JAKMIP3: variants seen among roughly 807,000 people sequenced by gnomAD.
JAKMIP3 encodes the protein janus kinase and microtubule-interacting protein 3.
In JAKMIP3, 58 loss-of-function variants were observed where a neutral mutation model predicts 118.5. The ratio of observed to expected loss-of-function variants is 0.49; its 90% CI spans 0.40 to 0.61. The LOEUF is 0.61. Ranked by LOEUF, JAKMIP3 falls within the 20% of genes least tolerant of loss-of-function variation. The pLI, the probability that JAKMIP3 is intolerant of heterozygous loss-of-function variation, is 0.00. For missense variants in JAKMIP3, 950 were observed against 1,109.0 expected, an observed-to-expected ratio of 0.86 and a Z score of 2.04; for synonymous variants, 486 against 451.2, an observed-to-expected ratio of 1.08 and a Z score of -0.98.
At position 132,072,494 on chromosome 10, in the gene JAKMIP3, C is replaced by T. The variant is rs142493542; in HGVS notation, c.-138+6433C>T. Among the ~76,000 whole-genome samples, 102 of 152,184 alleles carry T rather than the reference C, an allele frequency of 6.7e-4. 1 individual carries two copies. Among genetic ancestry groups the T allele is most frequent in the African/African-American group, 2.4e-3 (100 of 41,534 alleles). ...AGGCTGCAGTGAGCCATGATCGTACCATAGCACTCCAACCTGGGGGACAGA... is the reference window on the plus strand; with the variant it reads ...AGGCTGCAGTGAGCCATGATCGTACTATAGCACTCCAACCTGGGGGACAGA... On this transcript the variant is annotated intron_variant, in intron 1 of 23. Transcript: ENST00000684848.
chr10:132,138,767 C>T (rs887387301), intron 9 of JAKMIP3, among the ~76,000 whole-genome samples: 7 of 152,142 alleles, frequency 4.6e-5, no homozygotes, highest in Admixed American at 2.0e-4. Context: ...GTGGGATGCA[C>T]GGCTCTGAGG....
rs1258414174 is a variant in JAKMIP3 at position 132,049,275 on chromosome 10, T to A, written c.-138+12537T>A. ...GGAGCACAGCTATAGCTATGAGCAC[T>A]GACCCACGGCTTTGCTTCCCTTCCT... On this transcript the variant is annotated intron_variant, in intron 1 of 23. Transcript: ENST00000657785. This position sits in a 1 kb window ranked among gnomAD's most constrained non-coding sequence, Gnocchi z 4.3. 6.6e-6 allele frequency among the ~76,000 whole-genome samples: 1 copy of A among 152,210 alleles called. No individual in the cohort carries two copies. Among genetic ancestry groups the A allele is most frequent in the Non-Finnish European group, 1.5e-5 (1 of 68,040 alleles).
rs1308922036 is a variant in JAKMIP3, at chr10:132,150,003, A to C, written c.1969A>C (p.Met657Leu). 1 of 1,571,658 alleles carries C rather than the reference A, an allele frequency of 6.4e-7. No individual in the cohort carries two copies. Among genetic ancestry groups the C allele is most frequent in the Admixed American group, 1.8e-5 (1 of 55,580 alleles). ...GVTDIVVAEL[M>L]KKLDILGDNA... is the part of the protein sequence containing the mutation. ...TTAGGACATTGTGGTTGCGGAGCTG[A>C]TGAAGAAGCTGGACATCCTGGGCGA... The change falls in exon 16 of 24, where the codon ATG (methionine) becomes CTG (leucine). Residue 657 changes from methionine to leucine, a missense_variant. Physicochemically the swap from Met to Leu is conservative, Grantham distance 15. Coordinates refer to ENST00000684848, the MANE Select transcript of JAKMIP3 (RefSeq NM_001323087.2).
intron 1 of JAKMIP3, among the ~76,000 whole-genome samples, chr10:132,050,231 T>C (rs546704095): frequency 6.6e-6 from 1 of 152,332 alleles, no homozygotes; most frequent in East Asian, 1.9e-4. Context: ...TCACAGCCCA[T>C]TTCCTGGCCC....
In JAKMIP3 at chr10:132,184,832, G is replaced by T. The variant is rs2061722232; in HGVS notation, c.*3579G>T. ...TTAGACGATTAAAGTCCCCTCAAAG[G>T]TATTAAAGTTTGAACTGAAAGCCGT... On this transcript the variant is annotated 3_prime_UTR_variant, in exon 24 of 24. Transcript: ENST00000684848. 6.6e-6 allele frequency: 1 copy of T among 152,188 alleles called. No homozygotes were observed. Among genetic ancestry groups the T allele is most frequent in the Non-Finnish European group, 1.5e-5 (1 of 68,042 alleles). The allele number at this position is 152,188 out of a possible 1,614,324, so 9.4% of individuals were successfully genotyped here. A position where few individuals can be genotyped will look rare whatever the true frequency, so the allele number is the denominator to read the frequency against.
At chr10:132,039,447 G>A (rs774224238) in intron 1 of JAKMIP3, among the ~76,000 whole-genome samples, 7 of 142,616 alleles carry the variant, frequency 4.9e-5, no homozygotes, top group Admixed American at 7.6e-5. Context: ...GCCACCCACC[G>A]TTTCCCAGTA....
chr10:132,153,940 C>G lies in JAKMIP3; in HGVS notation c.2170C>G (p.Leu724Val). Reference sequence around the variant, plus strand: ...GCTGTTCAGTAAGCAGAAGGGCTACCTGGACGAGGAGCTGGACTACCGGAA... The same window carrying G: ...GCTGTTCAGTAAGCAGAAGGGCTACGTGGACGAGGAGCTGGACTACCGGAA... The part of the protein sequence containing the change: ...KELFSKQKGY[L>V]DEELDYRKQA... Residue 724 changes from leucine (L) to valine (V), a missense_variant, in exon 19 of 24, where the codon CTG (leucine) becomes GTG (valine). Transcript: ENST00000684848. The G allele has an allele frequency of 6.2e-7, 1 of 1,613,116 alleles. No individual in the cohort carries two copies. The highest frequency in any genetic ancestry group is 8.5e-7 in the Non-Finnish European group (1 of 1,179,870).
chr10:132,084,564 C>T (rs1206606617), intron 1 of JAKMIP3, among the ~76,000 whole-genome samples: 1 of 152,092 alleles, frequency 6.6e-6, no homozygotes, highest in Non-Finnish European at 1.5e-5. Flanking sequence ...GCTGGGACTT[C>T]CAGTACTATG....
At chr10:132,048,862 G>T (rs2038014722) in intron 1 of JAKMIP3, among the ~76,000 whole-genome samples, 1 of 151,890 alleles carries the variant, frequency 6.6e-6, no homozygotes, top group Non-Finnish European at 1.5e-5. Context: ...GGATAGTCTC[G>T]ATCTCCTGAC....
intron 23 of JAKMIP3, among the ~76,000 whole-genome samples, chr10:132,180,788 T>TGTGTGTGTGCATGCGTGTGTGTGTGC (rs1491365450): frequency 0.026 from 274 of 10,722 alleles, 110 homozygotes; most frequent in Non-Finnish European, 0.037. Context: ...TGTGTGCGCG[T>TGTGTGTGTGCATGCGTGTGTGTGTGC]ATGCATGTGC....
chr10:132,119,638 TCTC>T (rs1224845607), intron 3 of JAKMIP3, among the ~76,000 whole-genome samples: 1 of 152,230 alleles, frequency 6.6e-6, no homozygotes, highest in Non-Finnish European at 1.5e-5. Context: ...AGTAGCACGT[TCTC>T]CTGCTTTGTT....
At chr10:132,090,435 T>C (rs969963306) in intron 1 of JAKMIP3, among the ~76,000 whole-genome samples, 7 of 152,204 alleles carry the variant, frequency 4.6e-5, no homozygotes, top group African/African-American at 1.4e-4. Context: ...TGGTTTAGTC[T>C]TGGGAGGGTG....
At chr10:132,141,811 C>T (rs2053570344) in intron 10 of JAKMIP3, 109 bp from the exon 11 acceptor site, 2 of 1,268,118 alleles carry the variant, frequency 1.6e-6, no homozygotes. Flanking sequence ...CCCCCCCATA[C>T]ACCATTTGAT....
At chr10:132,148,831 C>T (rs1446935311) in intron 14 of JAKMIP3, among the ~76,000 whole-genome samples, 2 of 152,206 alleles carry the variant, frequency 1.3e-5, no homozygotes, top group Non-Finnish European at 2.9e-5. Context: ...ACAGGGGCCG[C>T]CCCTGCCGAG....
In JAKMIP3 at chr10:132,143,261, C is replaced by G. The variant is rs181117850; in HGVS notation, c.1602+1213C>G. 2.6e-3 allele frequency among the ~76,000 whole-genome samples: 395 copies of G among 152,242 alleles called. 1 individual carries two copies. The highest frequency in any genetic ancestry group is 8.9e-3 in the African/African-American group (368 of 41,530). On this transcript the variant is annotated intron_variant, in intron 11 of 23. Transcript: ENST00000684848. Reference sequence around the variant, plus strand: ...CACTTTGACTTAATTTTTGCATGACCCTTGGAGAAAGGAAAAAGTCAAGGC... The same window carrying G: ...CACTTTGACTTAATTTTTGCATGACGCTTGGAGAAAGGAAAAAGTCAAGGC...
intron 1 of JAKMIP3, among the ~76,000 whole-genome samples, chr10:132,097,916 TCCCC>T (rs2044166183): frequency 9.2e-5 from 2 of 21,650 alleles, no homozygotes; most frequent in African/African-American, 2.2e-4. Flanking sequence ...CCCTTCCCCT[TCCCC>T]TTTCCTTCCC....
Position 132,044,881 on chromosome 10 carries a change from C to CGT in JAKMIP3, c.-138+8151_-138+8152dup, listed in dbSNP as rs762695158. 3.3e-5 allele frequency among the ~76,000 whole-genome samples: 5 copies of CGT among 150,896 alleles called. No individual in the cohort carries two copies. Among genetic ancestry groups the CGT allele is most frequent in the South Asian group, 2.1e-4 (1 of 4,786 alleles). On this transcript the variant is annotated intron_variant, in intron 1 of 23. Coordinates refer to the JAKMIP3 transcript ENST00000657785. The surrounding 1 kb of genome is among the most constrained non-coding windows in gnomAD (Gnocchi z 5.3). Reference sequence around the variant, plus strand: ...GCTGAGTAGAATCATGGTATTTGTGCGTGTGTGTGACTGGCGTGCTTCACC... The same window carrying CGT: ...GCTGAGTAGAATCATGGTATTTGTGCGTGTGTGTGTGACTGGCGTGCTTCACC...
intron 23 of JAKMIP3, among the ~76,000 whole-genome samples, chr10:132,173,976 C>G (rs28463880): frequency 0.12 from 15,314 of 131,020 alleles, 1,182 homozygotes; most frequent in Middle Eastern, 0.18. Flanking sequence ...TGGTGTGTCT[C>G]TGGTGGTCTG....
intron 4 of JAKMIP3, among the ~76,000 whole-genome samples, chr10:132,134,258 G>A (rs2051274761): frequency 1.3e-5 from 2 of 152,224 alleles, no homozygotes; most frequent in South Asian, 4.1e-4. Context: ...GTCGGGCCCA[G>A]GACCATCCTG....
Sources: allele counts gnomAD v4.1 joint callset (sites outside exome capture counted in the v4.1 genomes callset), GRCh38; gene constraint gnomAD v4.1.1; non-coding constraint Gnocchi (gnomAD v3.1); transcripts MANE v1.5; gene names NCBI Gene and HGNC (gene_info 2026-07-23, HGNC 2026-07-21).